RBFOX2: variants seen among roughly 807,000 people sequenced by gnomAD.
RBFOX2 encodes RNA binding fox-1 homolog 2, also known as RNA binding protein fox-1 homolog 2.
Under a neutral mutation model 49.1 loss-of-function variants are expected in RBFOX2, and 10 were observed. That is an observed-to-expected ratio of 0.20 (90% confidence interval 0.13 to 0.35). The LOEUF is 0.35. RBFOX2 is among the 10% of genes least tolerant of loss of function. The probability of loss-of-function intolerance (pLI) is 1.00; values close to 1 mark genes in which losing one functional copy is unlikely to be tolerated. For synonymous variants in RBFOX2, 183 were observed against 187.4 expected, an observed-to-expected ratio of 0.98 and a Z score of 0.19; for missense variants, 323 against 486.9, an observed-to-expected ratio of 0.66 and a Z score of 3.17.
At chr22:35,915,087 T>C (rs2050255716) in intron 1 of RBFOX2, among the ~76,000 whole-genome samples, 1 of 152,150 alleles carries the variant, frequency 6.6e-6, no homozygotes, top group Non-Finnish European at 1.5e-5. Flanking sequence ...CACCCTACCA[T>C]TTTACTCGAA....
At chr22:35,929,764 C>T (rs886245237) in intron 1 of RBFOX2, among the ~76,000 whole-genome samples, 5 of 152,056 alleles carry the variant, frequency 3.3e-5, no homozygotes, top group African/African-American at 1.2e-4. Context: ...GGTATACAGG[C>T]ATGAGCTACC....
chr22:36,024,520 C>CCA (rs1159782196), intron 1 of RBFOX2, among the ~76,000 whole-genome samples: 1 of 152,076 alleles, frequency 6.6e-6, no homozygotes, highest in Non-Finnish European at 1.5e-5. Flanking sequence ...CGCAGGCGAT[C>CCA]ACCTGAGGTC....
chr22:35,995,032 G>C (rs1437207811), intron 1 of RBFOX2: 1 of 152,176 alleles, frequency 6.6e-6, no homozygotes, highest in Non-Finnish European at 1.5e-5. Flanking sequence ...CAGGTCCCAA[G>C]CTGGGAAAGG....
At chr22:36,026,360 C>T (rs1459220402) in intron 1 of RBFOX2, among the ~76,000 whole-genome samples, 2 of 151,928 alleles carry the variant, frequency 1.3e-5, no homozygotes, top group African/African-American at 4.8e-5. Flanking sequence ...CCCCCAAGGA[C>T]CTAACCACTC....
At chr22:35,810,396 C>A (rs753363126) in intron 1 of RBFOX2, among the ~76,000 whole-genome samples, 6 of 151,704 alleles carry the variant, frequency 4.0e-5, no homozygotes, top group Admixed American at 1.3e-4. Context: ...CTAAAAAATA[C>A]GAAAAACAAA....
intron 1 of RBFOX2, among the ~76,000 whole-genome samples, chr22:35,823,600 A>C (rs1954995322): frequency 6.6e-6 from 1 of 152,230 alleles, no homozygotes; most frequent in African/African-American, 2.4e-5. Flanking sequence ...TCTGCAAAAC[A>C]AGATTTCAAC....
At chr22:35,997,302 A>G (rs1395584988) in intron 1 of RBFOX2, 1 of 152,210 alleles carries the variant, frequency 6.6e-6, no homozygotes, top group East Asian at 1.9e-4. Flanking sequence ...CAAACCATAC[A>G]TGAGAATAGA....
intron 1 of RBFOX2, among the ~76,000 whole-genome samples, chr22:36,021,901 G>C (rs1010425549): frequency 2.0e-5 from 3 of 152,086 alleles, no homozygotes; most frequent in Admixed American, 6.6e-5. Context: ...GCTTGTATTG[G>C]GGTTGTAGAG....
chr22:35,961,464 T>C, intron 1 of RBFOX2: 1 of 1,241,448 alleles, frequency 8.1e-7, no homozygotes. Context: ...ACGACCGACC[T>C]CTCTGCTTGA....
At chr22:35,897,235 A>C in intron 1 of RBFOX2, 1 of 1,342,732 alleles carries the variant, frequency 7.4e-7, no homozygotes, top group Non-Finnish European at 1.1e-6. Flanking sequence ...CCCAAAAGAC[A>C]CCAAAACCAA....
In RBFOX2 at chr22:35,948,745, A is replaced by G. The variant is rs374606273; in HGVS notation, c.43-9848T>C. 3.9e-5 allele frequency among the ~76,000 whole-genome samples: 6 copies of G among 152,280 alleles called. No individual in the cohort carries two copies. The South Asian group carries it at 1.0e-3, about 26-fold the overall frequency. On this transcript the variant is annotated intron_variant, in intron 1 of 5. Coordinates refer to the RBFOX2 transcript ENST00000408983. ...AGTTCCCCGTTAATCTATCTTTTCT[A>G]GTACTGAGGTTCAAGATCATACTAT...
intron 1 of RBFOX2, among the ~76,000 whole-genome samples, chr22:35,907,503 T>A (rs953049399): frequency 7.2e-5 from 11 of 152,214 alleles, no homozygotes; most frequent in African/African-American, 2.7e-4. Context: ...CTGGACTGCC[T>A]AATTTCAGAC....
At chr22:35,850,530 A>G (rs1320003473) in intron 1 of RBFOX2, among the ~76,000 whole-genome samples, 1 of 152,140 alleles carries the variant, frequency 6.6e-6, no homozygotes, top group African/African-American at 2.4e-5. Context: ...GTTCCAGTCA[A>G]ACTTGGAAGG....
At chr22:35,765,751 C>A (rs1253009038) in intron 5 of RBFOX2, among the ~76,000 whole-genome samples, 2 of 152,038 alleles carry the variant, frequency 1.3e-5, no homozygotes, top group Non-Finnish European at 2.9e-5. Flanking sequence ...CTTTGGACAT[C>A]TTTTTAACAG....
chr22:35,899,165 A>AACATC (rs2048249898), intron 1 of RBFOX2, among the ~76,000 whole-genome samples: 1 of 151,674 alleles, frequency 6.6e-6, no homozygotes, highest in Admixed American at 6.6e-5. Context: ...AACATAACAT[A>AACATC]ACATAACATA....
intron 1 of RBFOX2, among the ~76,000 whole-genome samples, chr22:36,015,502 A>G (rs2058999562): frequency 6.6e-6 from 1 of 152,250 alleles, no homozygotes; most frequent in Admixed American, 6.5e-5. Flanking sequence ...AAGCTTGTAT[A>G]TGAGAAGCAA....
intron 1 of RBFOX2, among the ~76,000 whole-genome samples, chr22:36,019,785 T>G (rs979821219): frequency 1.3e-5 from 2 of 152,174 alleles, no homozygotes; most frequent in African/African-American, 4.8e-5. Flanking sequence ...GACTCATGGA[T>G]AGGAAGAATC....
chr22:36,017,514 G>A (rs1223260350), intron 1 of RBFOX2, among the ~76,000 whole-genome samples: 1 of 151,886 alleles, frequency 6.6e-6, no homozygotes, highest in Non-Finnish European at 1.5e-5. Context: ...GGCAAGAAGA[G>A]CAAAAACTCG....
chr22:35,989,832 G>A (rs1291983709), intron 1 of RBFOX2, among the ~76,000 whole-genome samples: 1 of 152,018 alleles, frequency 6.6e-6, no homozygotes, highest in East Asian at 1.9e-4. Context: ...GGAAATGTAG[G>A]ACAATGAGGG....
Sources: allele counts gnomAD v4.1 joint callset (sites outside exome capture counted in the v4.1 genomes callset), GRCh38; gene constraint gnomAD v4.1.1; transcripts MANE v1.5; gene names NCBI Gene and HGNC (gene_info 2026-07-23, HGNC 2026-07-21).